The following NANS variants were observed in gnomAD, a reference collection of about 807,000 sequenced individuals.
NANS encodes the protein N-acetylneuraminate-9-phosphate synthase.
NANS carries 29 observed loss-of-function variants against 33.3 expected under a neutral mutation model. That is an observed-to-expected ratio of 0.87 (90% CI 0.65 to 1.19). The LOEUF (loss-of-function observed/expected upper bound fraction) is 1.19, where lower values mean the gene tolerates loss of function less well. Among genes scored for constraint, NANS ranks in the 50% most tolerant of loss-of-function variants. The pLI, the probability that NANS is intolerant of heterozygous loss-of-function variation, is 0.00. For synonymous variants in NANS, 163 were observed against 177.2 expected (o/e 0.92, Z 0.64); for missense variants, 394 against 461.1 (o/e 0.85, Z 1.33).
At chr9:98,079,265 C>T (rs1183574510) in intron 4 of NANS, among the ~76,000 whole-genome samples, 1 of 152,188 alleles carries the variant, frequency 6.6e-6, no homozygotes. Context: ...TCCTGTAGCA[C>T]TGGAAATTTA....
chr9:98,065,654 C>T (rs934259503), intron 2 of NANS, among the ~76,000 whole-genome samples: 6 of 147,964 alleles, frequency 4.1e-5, no homozygotes, highest in Non-Finnish European at 8.9e-5. Context: ...TTTTTTTTTC[C>T]CCCTGGAGAC....
At chr9:98,061,035 A>C in intron 2 of NANS, 38 bp downstream of exon 2, 1 of 1,598,648 alleles carries the variant, frequency 6.3e-7, no homozygotes, top group Non-Finnish European at 8.6e-7. Context: ...TCACTTTAGC[A>C]GACCAAGGGT....
chr9:98,057,962 A>G (rs1828878013), intron 1 of NANS, among the ~76,000 whole-genome samples: 1 of 107,860 alleles, frequency 9.3e-6, no homozygotes. Context: ...TCTCTGTATC[A>G]CCCAGGCTGG....
intron 2 of NANS, among the ~76,000 whole-genome samples, chr9:98,071,614 G>T (rs578046805): frequency 6.6e-6 from 1 of 152,142 alleles, no homozygotes; most frequent in Non-Finnish European, 1.5e-5. Flanking sequence ...CTTGCAGGCT[G>T]GGACATCTGG....
chr9:98,081,075 A>G lies in NANS; in HGVS notation c.863A>G (p.Asn288Ser), dbSNP rs369483943. Residue 288 changes from asparagine to serine, a missense_variant, in exon 5 of 6, where the codon AAT becomes AGT. Asn to Ser is a conservative substitution (Grantham distance 46). Transcript: ENST00000210444. ...CTGCTGCCCTGTGAGATGGCCTGCA[A>G]TGAGAAGGTGTGTCCTGCCGGACTC... ...KQLLPCEMAC[N>S]EKLGKSVVAK... The G allele has an allele frequency of 1.2e-6, 2 of 1,614,004 alleles. No homozygotes were observed. The highest frequency in any genetic ancestry group is 1.6e-4 in the Middle Eastern group (1 of 6,084).
intron 2 of NANS, among the ~76,000 whole-genome samples, chr9:98,073,764 C>T (rs1378826972): frequency 6.6e-6 from 1 of 151,856 alleles, no homozygotes; most frequent in Non-Finnish European, 1.5e-5. Flanking sequence ...GTGTTGTCCA[C>T]CCTCATTCAT....
At chr9:98,070,181 G>C (rs1032075423) in intron 2 of NANS, among the ~76,000 whole-genome samples, 1 of 152,184 alleles carries the variant, frequency 6.6e-6, no homozygotes, top group East Asian at 1.9e-4. Flanking sequence ...GCAGTGGCAC[G>C]ATTGTGGCTC....
chr9:98,079,020 T>G (rs921272979), intron 4 of NANS, among the ~76,000 whole-genome samples: 5 of 152,162 alleles, frequency 3.3e-5, no homozygotes, highest in Admixed American at 3.3e-4. Context: ...CTGACTCTCT[T>G]ATTTTCTAAT....
chr9:98,082,993 G>A lies in NANS; in HGVS notation c.1018G>A (p.Glu340Lys). ...GGGCAAGAAGGTCCTGGTCACTGTT[G>A]AAGAGGATGACACCATCATGGAAGA... Reference protein sequence around the residue: ...LVGKKVLVTVEEDDTIMEELV... With the variant: ...LVGKKVLVTVKEDDTIMEELV... The change falls in exon 6 of 6, where the codon GAA becomes AAA. Residue 340 changes from glutamate to lysine, a missense_variant. By Grantham distance (56) the Glu-to-Lys change is moderately conservative (BLOSUM62 1). Transcript: ENST00000210444. 1.2e-6 allele frequency: 2 copies of A among 1,614,184 alleles called. No homozygotes were observed. The highest frequency in any genetic ancestry group is 1.7e-6 in the Non-Finnish European group (2 of 1,180,034).
chr9:98,065,388 C>T (rs1174467334), intron 2 of NANS, among the ~76,000 whole-genome samples: 2 of 142,940 alleles, frequency 1.4e-5, no homozygotes, highest in African/African-American at 2.7e-5. Flanking sequence ...GCAATCTCGG[C>T]TCACTGCGAC....
chr9:98,067,540 C>T (rs1393597044), intron 2 of NANS, among the ~76,000 whole-genome samples: 1 of 152,108 alleles, frequency 6.6e-6, no homozygotes, highest in Non-Finnish European at 1.5e-5. Context: ...GGAAGAATGT[C>T]TATTCAGATC....
At chr9:98,070,206 C>A in intron 2 of NANS, among the ~76,000 whole-genome samples, 1 of 152,190 alleles carries the variant, frequency 6.6e-6, no homozygotes, top group Non-Finnish European at 1.5e-5. Flanking sequence ...TAACCTTCGC[C>A]TCCCAGGTTC....
intron 4 of NANS, among the ~76,000 whole-genome samples, chr9:98,079,743 T>C (rs1829767592): frequency 6.6e-6 from 1 of 152,240 alleles, no homozygotes; most frequent in Admixed American, 6.5e-5. Context: ...GGTGCTGTCA[T>C]GTCCTCTCTC....
chr9:98,079,376 C>T (rs1360146304), intron 4 of NANS, among the ~76,000 whole-genome samples: 2 of 152,114 alleles, frequency 1.3e-5, no homozygotes, highest in Non-Finnish European at 2.9e-5. Context: ...CCTGATATTG[C>T]AGTTGTTTTC....
Position 98,082,854 on chromosome 9 carries a change from G to A in NANS, c.879G>A (p.Lys293=). 2 of 1,614,138 alleles carry A rather than the reference G, an allele frequency of 1.2e-6. No homozygotes were observed. Among genetic ancestry groups the A allele is most frequent in the Non-Finnish European group, 8.5e-7 (1 of 1,179,994 alleles). ...CEMACNEKLG[K]SVVAKVKIPE... The stretch of plus-strand genomic sequence containing the variant: ...GTTCATTTTGTCCACAGCTGGGCAA[G>A]TCTGTGGTGGCCAAAGTGAAAATTC... Residue 293 remains lysine, a synonymous_variant, in exon 6 of 6, where the codon AAG becomes AAA. Transcript: ENST00000210444.
At chr9:98,078,445 A>G in intron 4 of NANS, 98 bp downstream of exon 4, 1 of 1,425,186 alleles carries the variant, frequency 7.0e-7, no homozygotes, top group South Asian at 1.3e-5. Context: ...GGCATACTTT[A>G]TAATTTGAAC....
At chr9:98,067,200 A>C (rs559210562) in intron 2 of NANS, among the ~76,000 whole-genome samples, 1 of 152,316 alleles carries the variant, frequency 6.6e-6, no homozygotes, top group East Asian at 1.9e-4. Flanking sequence ...GCTGTTATGA[A>C]TAATGCTGCT....
chr9:98,057,206 A>G (rs1828852801), intron 1 of NANS, among the ~76,000 whole-genome samples: 1 of 152,164 alleles, frequency 6.6e-6, no homozygotes, highest in African/African-American at 2.4e-5. Context: ...TAAAAGTCAG[A>G]CTTGATCAGA....
At chr9:98,057,904 T>G (rs1828873090) in intron 1 of NANS, among the ~76,000 whole-genome samples, 1 of 28,662 alleles carries the variant, frequency 3.5e-5, no homozygotes. Context: ...CTCTTACTGT[T>G]TTTTTTTTTT....
Sources: gnomAD v4.1 joint callset for allele counts (sites outside exome capture counted in the v4.1 genomes callset) on GRCh38, gnomAD v4.1.1 for gene constraint, MANE v1.5 for transcripts, NCBI Gene and HGNC (gene_info 2026-07-23, HGNC 2026-07-21) for gene names.